Variants in IGF1R observed in about 807,000 individuals in gnomAD.
The protein encoded by IGF1R is insulin like growth factor 1 receptor, also known as insulin-like growth factor 1 receptor.
Under a neutral mutation model 144.6 loss-of-function variants are expected in IGF1R, and 44 were observed. The ratio of observed to expected loss-of-function variants is 0.30; its 90% confidence interval spans 0.24 to 0.39. The LOEUF is 0.39. Ranked by LOEUF, IGF1R falls within the 10% of genes least tolerant of loss-of-function variation. The pLI is 1.00. For synonymous variants in IGF1R, 795 were observed against 722.8 expected (o/e 1.10, Z -1.60); for missense variants, 1,355 against 1,833.7 (o/e 0.74, Z 4.77).
chr15:98,846,143 A>G (rs2011318781), intron 2 of IGF1R, among the ~76,000 whole-genome samples: 2 of 152,332 alleles, frequency 1.3e-5, no homozygotes, highest in Admixed American at 6.5e-5. Context: ...CATTTCATTA[A>G]TATCAAAGTT....
At chr15:98,834,675 G>T (rs775070532) in intron 2 of IGF1R, among the ~76,000 whole-genome samples, 1 of 152,182 alleles carries the variant, frequency 6.6e-6, no homozygotes, top group South Asian at 2.1e-4. Flanking sequence ...TAACAGCTCT[G>T]CATCACTAGA....
intron 2 of IGF1R, among the ~76,000 whole-genome samples, chr15:98,848,560 A>G (rs1417238865): frequency 6.6e-6 from 1 of 152,254 alleles, no homozygotes; most frequent in East Asian, 1.9e-4. Flanking sequence ...TTGGAAGCTT[A>G]AGGAACATCA....
chr15:98,826,856 A>C (rs2056903242), intron 2 of IGF1R, among the ~76,000 whole-genome samples: 1 of 152,180 alleles, frequency 6.6e-6, no homozygotes, highest in African/African-American at 2.4e-5. Flanking sequence ...GGTGCACCTG[A>C]ATAGGCAATA....
intron 2 of IGF1R, among the ~76,000 whole-genome samples, chr15:98,781,408 A>G (rs906314960): frequency 2.0e-5 from 3 of 152,202 alleles, no homozygotes; most frequent in African/African-American, 7.2e-5. Flanking sequence ...AAATTAAATT[A>G]CTAATGTCGC....
chr15:98,830,944 T>C (rs7162736), intron 2 of IGF1R, among the ~76,000 whole-genome samples: 16,720 of 152,080 alleles, frequency 0.11, 2,070 homozygotes, highest in African/African-American at 0.3. Flanking sequence ...GGAGCTTTTA[T>C]TCATGGCAGA....
intron 1 of IGF1R, among the ~76,000 whole-genome samples, chr15:98,675,612 G>C (rs924262032): frequency 7.2e-5 from 11 of 152,110 alleles, no homozygotes; most frequent in Non-Finnish European, 1.2e-4. Flanking sequence ...CCCTTGCCTA[G>C]TAAGTTTATA....
chr15:98,676,234 G>C (rs1433747255), intron 1 of IGF1R, among the ~76,000 whole-genome samples: 1 of 151,690 alleles, frequency 6.6e-6, no homozygotes, highest in Non-Finnish European at 1.5e-5. Context: ...TCCACCTCCC[G>C]GGTTCAAGCA....
chr15:98,691,967 C>G lies in IGF1R; in HGVS notation c.95-15595C>G, dbSNP rs573193761. On this transcript the variant is annotated intron_variant, in intron 1 of 20. Transcript: ENST00000650285. ...CCAAAAGTAGGAGAGTGCCTGTTGC[C>G]CCATGTCCTCACTCAAGCTTGGTGT... Among the ~76,000 whole-genome samples the G allele has an allele frequency of 1.6e-3, 247 of 152,184 alleles. 1 individual carries two copies. Among genetic ancestry groups the G allele is most frequent in the African/African-American group, 5.8e-3 (239 of 41,498 alleles).
rs1286505768 is a variant in IGF1R at position 98,891,910 on chromosome 15, T to C, written c.953+273T>C. ...TTAAGTACTTGCTTGCTGGTTTCGA[T>C]ACCCAGAGTTCATAGTCTCTCTGGG... On this transcript the variant is annotated intron_variant, in intron 3 of 20. Coordinates refer to ENST00000650285, the MANE Select transcript of IGF1R (RefSeq NM_000875.5). This position sits in a 1 kb window ranked among gnomAD's most constrained non-coding sequence, Gnocchi z 4.7. Among the ~76,000 whole-genome samples the C allele has an allele frequency of 1.3e-5, 2 of 152,218 alleles. No homozygotes were observed. The highest frequency in any genetic ancestry group is 6.5e-5 in the Admixed American group (1 of 15,290).
intron 2 of IGF1R, among the ~76,000 whole-genome samples, chr15:98,717,190 A>G (rs374806879): frequency 2.1e-4 from 32 of 152,236 alleles, no homozygotes; most frequent in African/African-American, 7.2e-4. Flanking sequence ...AGATAGTGCC[A>G]TCTGTTTGCC....
intron 2 of IGF1R, among the ~76,000 whole-genome samples, chr15:98,804,490 G>A (rs764825985): frequency 6.6e-6 from 1 of 151,878 alleles, no homozygotes; most frequent in Non-Finnish European, 1.5e-5. Flanking sequence ...TTGAAAGAAG[G>A]ACAGTGGTTT....
At position 98,963,219 on chromosome 15, in the gene IGF1R, T is replaced by C. The variant is rs1334087805; in HGVS notation, c.*5777T>C. The C allele has an allele frequency of 8.8e-6, 2 of 226,558 alleles. No individual in the cohort carries two copies. The highest frequency in any genetic ancestry group is 1.8e-5 in the Non-Finnish European group (2 of 113,708). 14.0% of individuals were successfully genotyped at this position (226,558 alleles called of 1,614,324 possible). On this transcript the variant is annotated 3_prime_UTR_variant, in exon 21 of 21. Coordinates refer to ENST00000650285, the MANE Select transcript of IGF1R (RefSeq NM_000875.5). Reference sequence around the variant, plus strand: ...AAATGTGTGTTTGTGATCCATTTTTTTTTTTTTTTTTTAGGACACCTGTTT... The same window carrying C: ...AAATGTGTGTTTGTGATCCATTTTTCTTTTTTTTTTTTAGGACACCTGTTT...
At chr15:98,825,058 C>T (rs892965524) in intron 2 of IGF1R, among the ~76,000 whole-genome samples, 1 of 152,082 alleles carries the variant, frequency 6.6e-6, no homozygotes, top group East Asian at 1.9e-4. Flanking sequence ...GAGGTCAGGT[C>T]GAACTCCTGA....
At chr15:98,738,303 T>C (rs78019229) in intron 2 of IGF1R, among the ~76,000 whole-genome samples, 5,655 of 152,304 alleles carry the variant, frequency 0.037, 116 homozygotes, top group East Asian at 0.053. Context: ...CCCAATTAGC[T>C]GGGACTGTTG....
At chr15:98,836,972 A>G (rs1488960018) in intron 2 of IGF1R, among the ~76,000 whole-genome samples, 8 of 152,188 alleles carry the variant, frequency 5.3e-5, no homozygotes, top group African/African-American at 1.7e-4. Context: ...TGAACACTTG[A>G]TTGAGGTGGT....
chr15:98,712,819 A>T (rs568318682), intron 2 of IGF1R, among the ~76,000 whole-genome samples: 2 of 150,946 alleles, frequency 1.3e-5, no homozygotes, highest in African/African-American at 4.9e-5. Flanking sequence ...CATGTTAACC[A>T]GGCTGGTCTC....
At chr15:98,873,921 T>A (rs746637513) in intron 2 of IGF1R, 6 of 152,240 alleles carry the variant, frequency 3.9e-5, no homozygotes, top group African/African-American at 1.4e-4. Flanking sequence ...TGGAAGTAGA[T>A]AATCTTTTCC....
chr15:98,901,007 A>G (rs1435018958), intron 5 of IGF1R, among the ~76,000 whole-genome samples: 3 of 152,228 alleles, frequency 2.0e-5, no homozygotes, highest in Non-Finnish European at 4.4e-5. Context: ...AGGAATTATT[A>G]TGTGGTTACC....
chr15:98,932,311 T>G (rs146627290), intron 15 of IGF1R, among the ~76,000 whole-genome samples: 4 of 152,324 alleles, frequency 2.6e-5, no homozygotes, highest in African/African-American at 9.6e-5. Flanking sequence ...GGCAACAAAA[T>G]GACATTGCAG....
Sources: allele counts gnomAD v4.1 joint callset (sites outside exome capture counted in the v4.1 genomes callset), GRCh38; gene constraint gnomAD v4.1.1; non-coding constraint Gnocchi (gnomAD v3.1); transcripts MANE v1.5; gene names NCBI Gene and HGNC (gene_info 2026-07-23, HGNC 2026-07-21).